PRKDC: variants seen among roughly 807,000 people sequenced by gnomAD.
PRKDC encodes the protein protein kinase, DNA-activated, catalytic subunit.
A neutral mutation model predicts 486.9 loss-of-function variants in PRKDC; 82 were observed. The ratio of observed to expected loss-of-function variants is 0.17; its 90% confidence interval spans 0.14 to 0.20. The LOEUF is 0.20. Ranked by LOEUF, PRKDC falls within the 10% of genes least tolerant of loss-of-function variation. PRKDC has a pLI of 1.00. For missense variants in PRKDC, 4,504 were observed against 5,038.2 expected (o/e 0.89, Z 3.21); for synonymous variants, 1,895 against 1,837.0 (o/e 1.03, Z -0.81).
chr8:47,888,926 G>A, intron 33 of PRKDC, 88 bp downstream of exon 33: 1 of 1,351,406 alleles, frequency 7.4e-7, no homozygotes, highest in Non-Finnish European at 1.0e-6. Flanking sequence ...CTTCCCTGAG[G>A]AAGCAGGAGC....
intron 33 of PRKDC, 61 bp from the exon 34 acceptor site, chr8:47,888,711 C>T (rs1431582912): frequency 2.0e-6 from 3 of 1,478,944 alleles, no homozygotes; most frequent in Non-Finnish European, 2.7e-6. Flanking sequence ...TATCAAGATA[C>T]ACTGAAAAAA....
intron 76 of PRKDC, among the ~76,000 whole-genome samples, chr8:47,786,398 C>T (rs954920795): frequency 6.6e-6 from 1 of 152,038 alleles, no homozygotes; most frequent in Non-Finnish European, 1.5e-5. Flanking sequence ...GGCGACAGAT[C>T]GAGACTCAGT....
chr8:47,891,364 G>A (rs541655048), intron 31 of PRKDC, among the ~76,000 whole-genome samples: 2 of 152,266 alleles, frequency 1.3e-5, no homozygotes, highest in South Asian at 2.1e-4. Context: ...AACTGACCTC[G>A]TTAAAAATAA....
intron 54 of PRKDC, among the ~76,000 whole-genome samples, chr8:47,841,531 CA>C (rs771337395): frequency 6.6e-6 from 1 of 152,236 alleles, no homozygotes; most frequent in Non-Finnish European, 1.5e-5. Flanking sequence ...AACCCCAGCA[CA>C]GTGCTTGATT....
In PRKDC at chr8:47,944,150, T is replaced by C. The variant is rs1589811023; in HGVS notation, c.722-121A>G. On this transcript the variant is annotated intron_variant, in intron 7 of 85. Transcript: ENST00000314191. ...CTCTTGTGAATTCAGGAGAAACATC[T>C]TTCATCATTCCATCCAGCTAAAGTT... 6 of 843,618 alleles carry C rather than the reference T, an allele frequency of 7.1e-6. No individual in the cohort carries two copies. In the East Asian group the frequency reaches 1.6e-4, roughly 23 times the overall value. The allele number at this position is 843,618 out of a possible 1,614,324, so 52.3% of individuals were successfully genotyped here.
At chr8:47,815,550 T>A (rs974526707) in intron 68 of PRKDC, among the ~76,000 whole-genome samples, 1 of 152,200 alleles carries the variant, frequency 6.6e-6, no homozygotes. Context: ...AAATCTGAGA[T>A]AATTGAACAC....
intron 73 of PRKDC, among the ~76,000 whole-genome samples, chr8:47,796,757 G>A (rs2086993388): frequency 6.7e-6 from 1 of 149,158 alleles, no homozygotes; most frequent in African/African-American, 2.5e-5. Context: ...TCGCCACCAC[G>A]CCCGGCTAAT....
At chr8:47,836,259 G>A in intron 58 of PRKDC, 79 bp downstream of exon 58, 1 of 1,318,028 alleles carries the variant, frequency 7.6e-7, no homozygotes, top group Non-Finnish European at 9.9e-7. Context: ...TCTCACAAAA[G>A]CCCAACACTG....
rs2088725374 is a variant in PRKDC, at chr8:47,863,486, T to C, written c.5663A>G (p.Asp1888Gly). ...DVMYSRLPKD[D>G]VHAKESKINQ... ...AATTTTTGATTCCTTAGCATGAACATCATCTTTGGGAAGGCGAGAATACAT... is the reference window on the plus strand; with the variant it reads ...AATTTTTGATTCCTTAGCATGAACACCATCTTTGGGAAGGCGAGAATACAT... Residue 1888 changes from aspartate to glycine, a missense_variant, in exon 42 of 86, where the codon GAT becomes GGT. This residue lies in a region of PRKDC where 80 missense variants were observed against 132.3 expected (regional missense o/e 0.60). Coordinates refer to ENST00000314191, the MANE Select transcript of PRKDC (RefSeq NM_006904.7). The C allele has an allele frequency of 1.2e-6, 2 of 1,612,162 alleles. No individual in the cohort carries two copies. Among genetic ancestry groups the C allele is most frequent in the Admixed American group, 1.7e-5 (1 of 59,902 alleles).
In PRKDC at chr8:47,789,157, G is replaced by C; in HGVS notation, c.10752C>G (p.Leu3584=). ...GAAGCCGTTCTATCATTACCTTAAAGAGCAGTTCAGGATTAGAGAGCTGAT... is the reference window on the plus strand; with the variant it reads ...GAAGCCGTTCTATCATTACCTTAAACAGCAGTTCAGGATTAGAGAGCTGAT... The part of the protein sequence containing the change: ...ALDQLSNPEL[L]FKDWSNDVRA... Residue 3584 remains leucine (L), a synonymous_variant, in exon 75 of 86, where the codon CTC becomes CTG. Transcript: ENST00000314191. The C allele has an allele frequency of 1.2e-6, 2 of 1,613,100 alleles. No homozygotes were observed. Among genetic ancestry groups the C allele is most frequent in the Non-Finnish European group, 1.7e-6 (2 of 1,179,456 alleles).
At chr8:47,802,904 C>T (rs1369802467) in intron 70 of PRKDC, among the ~76,000 whole-genome samples, 2 of 152,168 alleles carry the variant, frequency 1.3e-5, no homozygotes, top group Non-Finnish European at 2.9e-5. Context: ...CTGCCTGCCT[C>T]AGCCTCCCAA....
chr8:47,948,250 C>T (rs977911894), intron 7 of PRKDC, among the ~76,000 whole-genome samples: 4 of 149,070 alleles, frequency 2.7e-5, no homozygotes, highest in African/African-American at 9.9e-5. Context: ...TTCAAGATTA[C>T]AGGCATGTGC....
At chr8:47,937,107 A>C (rs1461475107) in intron 11 of PRKDC, among the ~76,000 whole-genome samples, 1 of 150,350 alleles carries the variant, frequency 6.7e-6, no homozygotes, top group Non-Finnish European at 1.5e-5. Context: ...AAAAAAAAAA[A>C]AAAATTGGCC....
intron 3 of PRKDC, 84 bp downstream of exon 3, chr8:47,957,087 A>T: frequency 1.1e-6 from 1 of 918,484 alleles, no homozygotes; most frequent in Non-Finnish European, 1.6e-6. Flanking sequence ...TTTTATCTTT[A>T]AAATAAAAAT....
At chr8:47,881,043 T>TAAA (rs57817228) in intron 38 of PRKDC, among the ~76,000 whole-genome samples, 1 of 90,484 alleles carries the variant, frequency 1.1e-5, no homozygotes, top group Non-Finnish European at 2.4e-5. Flanking sequence ...CGAGACTGTC[T>TAAA]AAAAAAAAAA....
intron 25 of PRKDC, among the ~76,000 whole-genome samples, chr8:47,906,792 T>A (rs1212691851): frequency 6.6e-6 from 1 of 151,320 alleles, no homozygotes; most frequent in Non-Finnish European, 1.5e-5. Flanking sequence ...TACTTTGATA[T>A]TAGAGGTCCA....
At chr8:47,939,736 A>T in intron 10 of PRKDC, 39 bp from the exon 11 acceptor site, 1 of 1,455,362 alleles carries the variant, frequency 6.9e-7, no homozygotes, top group Non-Finnish European at 9.3e-7. Context: ...GAAATATTTA[A>T]TAGCAATGGA....
In PRKDC at chr8:47,902,897, T is replaced by C. The variant is rs780205520; in HGVS notation, c.3043-102A>G. The C allele has an allele frequency of 3.2e-4, 264 of 828,942 alleles. 1 individual carries two copies. In the Admixed American group the frequency reaches 4.0e-3, roughly 13 times the overall value. The allele number at this position is 828,942 out of a possible 1,614,324, so 51.3% of individuals were successfully genotyped here. On this transcript the variant is annotated intron_variant, in intron 26 of 85. Coordinates refer to ENST00000314191, the MANE Select transcript of PRKDC (RefSeq NM_006904.7). The stretch of plus-strand genomic sequence containing the variant: ...GAGCATAACTAAAGTATGTTAAAAA[T>C]TAATTTATAGCACTAGTCAAGAAAA...
chr8:47,793,302 T>TTCACAGGGATAAGCCGTA (rs2086914236), intron 74 of PRKDC, among the ~76,000 whole-genome samples: 1 of 152,102 alleles, frequency 6.6e-6, no homozygotes, highest in African/African-American at 2.4e-5. Flanking sequence ...GGCAGGGGTG[T>TTCACAGGGATAAGCCGTA]GTTCACAGAT....
Sources: allele counts gnomAD v4.1 joint callset (sites outside exome capture counted in the v4.1 genomes callset), GRCh38; gene constraint gnomAD v4.1.1; regional missense constraint gnomAD v4.1.1; transcripts MANE v1.5; gene names NCBI Gene and HGNC (gene_info 2026-07-23, HGNC 2026-07-21).